The following BAIAP2L1 variants were observed in gnomAD, a reference collection of about 807,000 sequenced individuals.
BAIAP2L1 encodes the protein BAR/IMD domain-containing adapter protein 2-like 1.
In BAIAP2L1, 35 loss-of-function variants were observed where a neutral mutation model predicts 66.3. That is an observed-to-expected ratio of 0.53 (90% CI 0.40 to 0.70). BAIAP2L1 has a LOEUF of 0.70. BAIAP2L1 is among the 30% of genes least tolerant of loss of function. The pLI, the probability that BAIAP2L1 is intolerant of heterozygous loss-of-function variation, is 0.00. For missense variants in BAIAP2L1, 622 were observed against 656.9 expected (o/e 0.95, Z 0.58); for synonymous variants, 269 against 248.7 (o/e 1.08, Z -0.77).
intron 3 of BAIAP2L1, among the ~76,000 whole-genome samples, chr7:98,333,876 T>C (rs966376133): frequency 3.3e-5 from 5 of 152,138 alleles, no homozygotes; most frequent in Non-Finnish European, 5.9e-5. Flanking sequence ...TGTGGAATGT[T>C]ACATTTTAAA....
In BAIAP2L1 at chr7:98,363,037, T is replaced by C. The variant is rs1450920970; in HGVS notation, c.52-605A>G. Among the ~76,000 whole-genome samples, 239 of 142,452 alleles carry C rather than the reference T, an allele frequency of 1.7e-3. 3 individuals carry two copies. Among genetic ancestry groups the C allele is most frequent in the African/African-American group, 5.7e-3 (218 of 38,516 alleles). 93.5% of individuals were successfully genotyped at this position (142,452 alleles called of 152,430 possible). On this transcript the variant is annotated intron_variant, in intron 1 of 13. Coordinates refer to ENST00000005260, the MANE Select transcript of BAIAP2L1 (RefSeq NM_018842.5). Reference sequence around the variant, plus strand: ...TCCCTGGCATTTTTTCTTTTTTTTTTTTTTTTTTTTTTTTTGAGACGGAGT... The same window carrying C: ...TCCCTGGCATTTTTTCTTTTTTTTTCTTTTTTTTTTTTTTTGAGACGGAGT...
At chr7:98,378,090 A>G (rs187622223) in intron 1 of BAIAP2L1, among the ~76,000 whole-genome samples, 1 of 151,736 alleles carries the variant, frequency 6.6e-6, no homozygotes, top group Admixed American at 6.6e-5. Flanking sequence ...CGGCAGTTGC[A>G]GTGAGCTGGG....
chr7:98,343,232 T>C (rs1421377985), intron 3 of BAIAP2L1, among the ~76,000 whole-genome samples: 8 of 143,622 alleles, frequency 5.6e-5, no homozygotes, highest in African/African-American at 2.1e-4. Context: ...ACCCTGTCTC[T>C]ACTGGAAAAA....
In BAIAP2L1 at chr7:98,311,039, A is replaced by G. The variant is rs560401669; in HGVS notation, c.808-447T>C. The stretch of plus-strand genomic sequence containing the variant: ...AAGAGTGGATCCATGTGTTCAAAGT[A>G]CCTGCTGCATCCCAATCTCCACAGA... On this transcript the variant is annotated intron_variant, in intron 8 of 13. Coordinates refer to ENST00000005260, the MANE Select transcript of BAIAP2L1 (RefSeq NM_018842.5). Among the ~76,000 whole-genome samples, 35 of 152,016 alleles carry G rather than the reference A, an allele frequency of 2.3e-4. No individual in the cohort carries two copies. In the South Asian group the frequency reaches 7.1e-3, roughly 31 times the overall value.
At chr7:98,313,794 T>C (rs370271824) in intron 7 of BAIAP2L1, among the ~76,000 whole-genome samples, 9 of 137,764 alleles carry the variant, frequency 6.5e-5, no homozygotes, top group African/African-American at 2.1e-4. Context: ...AATTAAAACT[T>C]TTTTTTTTTT....
intron 1 of BAIAP2L1, among the ~76,000 whole-genome samples, chr7:98,393,041 A>G (rs949293429): frequency 9.2e-6 from 1 of 108,998 alleles, no homozygotes; most frequent in Admixed American, 9.3e-5. Context: ...ATATATACAT[A>G]TATACGTGTA....
chr7:98,360,674 G>A (rs1477778054), intron 2 of BAIAP2L1, among the ~76,000 whole-genome samples: 1 of 151,918 alleles, frequency 6.6e-6, no homozygotes, highest in African/African-American at 2.4e-5. Flanking sequence ...AAAAACTGCA[G>A]GTCACAGTGA....
Position 98,400,920 on chromosome 7 carries a change from C to A in BAIAP2L1, c.-68G>T. ...GGCCTCGTGGCCGCCGGACTCCGGGCAGCGGGAGGGCCGGGGCGCGACTAA... is the reference window on the plus strand; with the variant it reads ...GGCCTCGTGGCCGCCGGACTCCGGGAAGCGGGAGGGCCGGGGCGCGACTAA... On this transcript the variant is annotated 5_prime_UTR_variant, in exon 1 of 14. Coordinates refer to ENST00000005260, the MANE Select transcript of BAIAP2L1 (RefSeq NM_018842.5). 1 of 1,437,476 alleles carries A rather than the reference C, an allele frequency of 7.0e-7. No homozygotes were observed. The highest frequency in any genetic ancestry group is 9.2e-7 in the Non-Finnish European group (1 of 1,092,126). The allele number at this position is 1,437,476 out of a possible 1,614,324, so 89.0% of individuals were successfully genotyped here.
chr7:98,321,614 TA>T (rs1440598643), intron 3 of BAIAP2L1, among the ~76,000 whole-genome samples: 2 of 152,152 alleles, frequency 1.3e-5, no homozygotes, highest in Non-Finnish European at 2.9e-5. Flanking sequence ...TGACATCTGA[TA>T]AAGGTGAACA....
intron 1 of BAIAP2L1, among the ~76,000 whole-genome samples, chr7:98,400,556 A>C (rs1271048653): frequency 1.1e-5 from 1 of 88,904 alleles, no homozygotes; most frequent in Non-Finnish European, 2.2e-5. Flanking sequence ...CACAGGGAGG[A>C]GGGGAGGGAA....
At chr7:98,338,205 G>A (rs1312495986) in intron 3 of BAIAP2L1, among the ~76,000 whole-genome samples, 2 of 152,220 alleles carry the variant, frequency 1.3e-5, no homozygotes, top group South Asian at 2.1e-4. Flanking sequence ...GGCCGAGGCG[G>A]GTGGATCACG....
At chr7:98,327,366 A>T (rs1258513157) in intron 3 of BAIAP2L1, among the ~76,000 whole-genome samples, 1 of 150,226 alleles carries the variant, frequency 6.7e-6, no homozygotes, top group Non-Finnish European at 1.5e-5. Flanking sequence ...GTAAATAAAT[A>T]AATAAATAAA....
intron 3 of BAIAP2L1, among the ~76,000 whole-genome samples, chr7:98,354,235 C>T (rs1437577463): frequency 6.6e-6 from 1 of 151,912 alleles, no homozygotes; most frequent in African/African-American, 2.4e-5. Context: ...TCCTAAAAAC[C>T]CTCAGGCCAA....
intron 3 of BAIAP2L1, among the ~76,000 whole-genome samples, chr7:98,336,129 C>T (rs1388139536): frequency 1.4e-5 from 2 of 146,226 alleles, no homozygotes; most frequent in Non-Finnish European, 1.5e-5. Flanking sequence ...GAACAACAGA[C>T]ACTGGGGACT....
intron 11 of BAIAP2L1, among the ~76,000 whole-genome samples, chr7:98,305,682 C>G (rs1182186349): frequency 6.6e-6 from 1 of 152,152 alleles, no homozygotes; most frequent in African/African-American, 2.4e-5. Flanking sequence ...CTCCATCTCC[C>G]AAAGTGCTGG....
intron 1 of BAIAP2L1, among the ~76,000 whole-genome samples, chr7:98,382,211 G>A (rs1293927939): frequency 6.6e-6 from 1 of 152,056 alleles, no homozygotes; most frequent in Non-Finnish European, 1.5e-5. Flanking sequence ...GTGAGCAACC[G>A]TGCCCAGCCA....
intron 3 of BAIAP2L1, among the ~76,000 whole-genome samples, chr7:98,341,898 T>G (rs1458607092): frequency 6.6e-6 from 1 of 152,144 alleles, no homozygotes; most frequent in Non-Finnish European, 1.5e-5. Context: ...AGATAAGTGA[T>G]TTTGGTCAAT....
At position 98,361,374 on chromosome 7, in the gene BAIAP2L1, G is replaced by C. The variant is rs1802268391; in HGVS notation, c.127+983C>G. Among the ~76,000 whole-genome samples the C allele has an allele frequency of 1.3e-5, 2 of 151,096 alleles. 1 individual carries two copies. The highest frequency in any genetic ancestry group is 1.3e-4 in the Admixed American group (2 of 15,184). On this transcript the variant is annotated intron_variant, in intron 2 of 13. Coordinates refer to ENST00000005260, the MANE Select transcript of BAIAP2L1 (RefSeq NM_018842.5). The stretch of plus-strand genomic sequence containing the variant: ...TCTGTCTGGGAAAAAAAAAAAGAAA[G>C]AAAGAAAGAAAGAAGAGATAAGAAG...
At chr7:98,390,352 A>G (rs1803005739) in intron 1 of BAIAP2L1, among the ~76,000 whole-genome samples, 1 of 152,194 alleles carries the variant, frequency 6.6e-6, no homozygotes, top group African/African-American at 2.4e-5. Flanking sequence ...CTTAGTTTTA[A>G]AAACATTATG....
Sources: gnomAD v4.1 joint callset for allele counts (sites outside exome capture counted in the v4.1 genomes callset) on GRCh38, gnomAD v4.1.1 for gene constraint, MANE v1.5 for transcripts, NCBI Gene and HGNC (gene_info 2026-07-23, HGNC 2026-07-21) for gene names.